The following CWC22 variants were observed in gnomAD, a reference collection of about 807,000 sequenced individuals.
The protein encoded by CWC22 is pre-mRNA-splicing factor CWC22 homolog.
A neutral mutation model predicts 117.2 loss-of-function variants in CWC22; 53 were observed. The observed-to-expected ratio is 0.45, with a 90% CI of 0.36 to 0.57. The LOEUF (loss-of-function observed/expected upper bound fraction) is 0.57. Ranked by LOEUF, CWC22 falls within the 20% of genes least tolerant of loss-of-function variation. The pLI is 0.00. For missense variants in CWC22, 980 were observed against 1,068.8 expected (o/e 0.92, Z 1.16); for synonymous variants, 360 against 355.6 (o/e 1.01, Z -0.14).
intron 1 of CWC22, among the ~76,000 whole-genome samples, chr2:180,001,739 A>T (rs1189675130): frequency 6.6e-6 from 1 of 152,166 alleles, no homozygotes; most frequent in Non-Finnish European, 1.5e-5. Flanking sequence ...TTGTTGCTAA[A>T]TCCAGGGGCA....
chr2:179,962,291 G>A (rs975405988), intron 13 of CWC22, among the ~76,000 whole-genome samples: 11 of 152,166 alleles, frequency 7.2e-5, no homozygotes, highest in East Asian at 1.9e-4. Flanking sequence ...CCAGAACTTC[G>A]TTTTTGTTCA....
chr2:179,949,054 A>G (rs1263656283), intron 19 of CWC22, among the ~76,000 whole-genome samples: 1 of 152,212 alleles, frequency 6.6e-6, no homozygotes, highest in African/African-American at 2.4e-5. Context: ...ACAGTTACAA[A>G]GTAAAAAATA....
At chr2:179,959,831 T>C (rs1686700113) in intron 13 of CWC22, among the ~76,000 whole-genome samples, 1 of 152,066 alleles carries the variant, frequency 6.6e-6, no homozygotes. Flanking sequence ...TGAAAAACCA[T>C]TATATGGCGC....
chr2:179,964,661 A>G, intron 12 of CWC22, 33 bp from the exon 13 acceptor site: 1 of 1,125,894 alleles, frequency 8.9e-7, no homozygotes, highest in Non-Finnish European at 1.3e-6. Flanking sequence ...ACACAACTGC[A>G]AAAATAAATG....
At chr2:179,954,494 T>A in intron 15 of CWC22, 137 bp from the exon 16 acceptor site, 1 of 569,300 alleles carries the variant, frequency 1.8e-6, no homozygotes, top group Non-Finnish European at 3.0e-6. Flanking sequence ...TAAATCCTTT[T>A]GTGCCATATG....
At chr2:179,959,723 T>C (rs1686697665) in intron 13 of CWC22, among the ~76,000 whole-genome samples, 1 of 152,114 alleles carries the variant, frequency 6.6e-6, no homozygotes, top group Admixed American at 6.5e-5. Flanking sequence ...ATGGTAAGTA[T>C]TTATGTATCT....
chr2:179,967,023 G>A (rs1419301772), intron 11 of CWC22, among the ~76,000 whole-genome samples: 1 of 152,164 alleles, frequency 6.6e-6, no homozygotes, highest in Non-Finnish European at 1.5e-5. Flanking sequence ...GTGAATTCAA[G>A]AGATAATCTG....
intron 11 of CWC22, among the ~76,000 whole-genome samples, chr2:179,967,607 A>G (rs1254018843): frequency 6.6e-6 from 1 of 152,192 alleles, no homozygotes; most frequent in Non-Finnish European, 1.5e-5. Context: ...CTTTACTGCC[A>G]CCCTCTTGAA....
intron 1 of CWC22, among the ~76,000 whole-genome samples, chr2:179,995,548 T>C (rs1264415510): frequency 1.3e-5 from 2 of 152,198 alleles, no homozygotes; most frequent in South Asian, 2.1e-4. Context: ...CACTGGGTAG[T>C]TTATGTAGCA....
chr2:179,982,858 C>T (rs1687320613), intron 4 of CWC22, among the ~76,000 whole-genome samples: 2 of 152,156 alleles, frequency 1.3e-5, no homozygotes, highest in African/African-American at 4.8e-5. Flanking sequence ...TTTACATATA[C>T]TGCCTTGGAA....
intron 2 of CWC22, among the ~76,000 whole-genome samples, chr2:179,992,170 C>T (rs1464682389): frequency 6.6e-6 from 1 of 152,148 alleles, no homozygotes; most frequent in Non-Finnish European, 1.5e-5. Context: ...AAATACAGTT[C>T]CCCCTTTACT....
chr2:179,951,713 G>C (rs980624858), intron 17 of CWC22, among the ~76,000 whole-genome samples: 1 of 152,082 alleles, frequency 6.6e-6, no homozygotes, highest in African/African-American at 2.4e-5. Flanking sequence ...TGGTCAAGTA[G>C]ACAGGGACCA....
chr2:179,998,569 A>G (rs1196146583), intron 1 of CWC22, among the ~76,000 whole-genome samples: 1 of 152,142 alleles, frequency 6.6e-6, no homozygotes, highest in African/African-American at 2.4e-5. Flanking sequence ...ACACTAACGA[A>G]TTGAAGCCAA....
chr2:179,987,056 T>A (rs1413378958), intron 3 of CWC22, among the ~76,000 whole-genome samples: 1 of 152,182 alleles, frequency 6.6e-6, no homozygotes, highest in Non-Finnish European at 1.5e-5. Flanking sequence ...TTATCCTGAT[T>A]CACTTTGTTC....
At chr2:179,963,835 A>G (rs1232581131) in intron 13 of CWC22, among the ~76,000 whole-genome samples, 1 of 152,186 alleles carries the variant, frequency 6.6e-6, no homozygotes, top group Non-Finnish European at 1.5e-5. Flanking sequence ...AATATACTAA[A>G]CCTAGTAATG....
chr2:179,973,571 G>T, intron 7 of CWC22, 63 bp downstream of exon 7: 2 of 1,061,168 alleles, frequency 1.9e-6, no homozygotes, highest in Non-Finnish European at 2.7e-6. Context: ...GCTTACTTTT[G>T]TTGATACTGG....
At chr2:179,983,010 G>A (rs558541280) in intron 4 of CWC22, among the ~76,000 whole-genome samples, 1 of 152,252 alleles carries the variant, frequency 6.6e-6, no homozygotes, top group African/African-American at 2.4e-5. Flanking sequence ...GTTTGAGATG[G>A]TCTTTTAAAT....
chr2:179,945,893 T>G (rs1337398993), intron 19 of CWC22, among the ~76,000 whole-genome samples, 178 bp from the exon 20 acceptor site: 5 of 152,148 alleles, frequency 3.3e-5, no homozygotes, highest in African/African-American at 7.2e-5. Flanking sequence ...TAATTTTATT[T>G]TATTTTTTGA....
intron 13 of CWC22, among the ~76,000 whole-genome samples, chr2:179,963,594 G>A (rs1415097477): frequency 2.0e-5 from 3 of 151,566 alleles, no homozygotes; most frequent in Non-Finnish European, 2.9e-5. Flanking sequence ...CGCCCGCCTC[G>A]GCCTCCCAAA....
Sources: allele counts gnomAD v4.1 joint callset (sites outside exome capture counted in the v4.1 genomes callset), GRCh38; gene constraint gnomAD v4.1.1; transcripts MANE v1.5; gene names NCBI Gene and HGNC (gene_info 2026-07-23, HGNC 2026-07-21).